RALGPS1: variants seen among roughly 807,000 people sequenced by gnomAD.
The protein encoded by RALGPS1 is ras-specific guanine nucleotide-releasing factor RalGPS1.
RALGPS1 carries 19 observed loss-of-function variants against 78.8 expected under a neutral mutation model. The observed-to-expected ratio is 0.24, with a 90% CI of 0.17 to 0.35. The LOEUF is 0.35. Ranked by LOEUF, RALGPS1 falls within the 10% of genes least tolerant of loss-of-function variation. RALGPS1 has a pLI of 1.00. For missense variants in RALGPS1, 454 were observed against 688.3 expected, an observed-to-expected ratio of 0.66 and a Z score of 3.81; for synonymous variants, 228 against 256.3, an observed-to-expected ratio of 0.89 and a Z score of 1.06.
intron 8 of RALGPS1, among the ~76,000 whole-genome samples, chr9:127,147,150 A>G (rs1316249303): frequency 6.6e-6 from 1 of 152,112 alleles, no homozygotes; most frequent in Non-Finnish European, 1.5e-5. Flanking sequence ...GCAGCTTTTC[A>G]TATTTGTTGG....
chr9:126,978,617 AAAAAAGTAGCTGAAT>A, intron 4 of RALGPS1, among the ~76,000 whole-genome samples: 1 of 151,978 alleles, frequency 6.6e-6, no homozygotes, highest in South Asian at 2.1e-4. Flanking sequence ...AAAAAAAAAA[AAAAAAGTAGCTGAAT>A]AGGCTGAAGA....
At chr9:127,160,036 C>T (rs2058932965) in intron 8 of RALGPS1, among the ~76,000 whole-genome samples, 1 of 151,946 alleles carries the variant, frequency 6.6e-6, no homozygotes. Context: ...AAAAAGATAG[C>T]TGTATGAGAA....
chr9:126,968,147 C>T (rs762542503), intron 3 of RALGPS1, among the ~76,000 whole-genome samples: 1 of 151,526 alleles, frequency 6.6e-6, no homozygotes, highest in African/African-American at 2.4e-5. Flanking sequence ...GGATTATAGG[C>T]GCATACCACC....
intron 7 of RALGPS1, among the ~76,000 whole-genome samples, chr9:127,062,121 G>A (rs1057417652): frequency 1.3e-5 from 2 of 151,704 alleles, no homozygotes; most frequent in Admixed American, 6.6e-5. Context: ...GTTTTGAGAC[G>A]GAGTCTCGCT....
At chr9:127,068,871 AG>A (rs2049939592) in intron 7 of RALGPS1, among the ~76,000 whole-genome samples, 1 of 152,198 alleles carries the variant, frequency 6.6e-6, no homozygotes, top group African/African-American at 2.4e-5. Flanking sequence ...TTCTAGAAAA[AG>A]GGTGGTAACT....
At chr9:126,996,543 G>A (rs967582729) in intron 4 of RALGPS1, among the ~76,000 whole-genome samples, 55 of 152,232 alleles carry the variant, frequency 3.6e-4, no homozygotes, top group Middle Eastern at 3.4e-3. Context: ...ATAATCAATA[G>A]CTTACCAACC....
At chr9:126,960,716 A>T (rs375798116) in intron 1 of RALGPS1, among the ~76,000 whole-genome samples, 5 of 152,256 alleles carry the variant, frequency 3.3e-5, no homozygotes, top group East Asian at 1.9e-4. Flanking sequence ...TTTGGGCTAG[A>T]TCTTGCTCTC....
intron 8 of RALGPS1, chr9:127,069,636 T>G: frequency 3.2e-6 from 1 of 312,074 alleles, no homozygotes; most frequent in Non-Finnish European, 6.0e-6. Flanking sequence ...ATGAGAGTGA[T>G]AAGACTCGTA....
In RALGPS1 at chr9:127,134,009, C is replaced by CA. The variant is rs200935825; in HGVS notation, c.611-32060_611-32059insA. Among the ~76,000 whole-genome samples, 4 of 151,674 alleles carry CA rather than the reference C, an allele frequency of 2.6e-5. 1 individual carries two copies. The highest frequency in any genetic ancestry group is 5.9e-5 in the Non-Finnish European group (4 of 67,892). ...TAGTAAATGCTCTTGTCCTCGCTCC[C>CA]CCCCCCGTGAATGCTGTGATTCAGC... On this transcript the variant is annotated intron_variant, in intron 8 of 18. Transcript: ENST00000259351.
chr9:127,009,440 C>T (rs10987540), intron 4 of RALGPS1, among the ~76,000 whole-genome samples: 26,497 of 152,212 alleles, frequency 0.17, 3,040 homozygotes, highest in East Asian at 0.44. Flanking sequence ...GCACCCTCCA[C>T]CTAACAGGGC....
At chr9:127,213,723 C>T (rs973680701) in intron 17 of RALGPS1, 2 of 152,502 alleles carry the variant, frequency 1.3e-5, no homozygotes, top group Non-Finnish European at 2.9e-5. Context: ...AAAATCCCCA[C>T]GCATTTTCAC....
intron 8 of RALGPS1, among the ~76,000 whole-genome samples, chr9:127,117,930 CTG>C (rs1457287282): frequency 6.6e-6 from 1 of 152,208 alleles, no homozygotes; most frequent in Non-Finnish European, 1.5e-5. Context: ...TACTGCCTGT[CTG>C]GACAACTAGG....
chr9:126,927,626 T>C (rs1422545103), intron 1 of RALGPS1, among the ~76,000 whole-genome samples: 1 of 152,228 alleles, frequency 6.6e-6, no homozygotes, highest in Non-Finnish European at 1.5e-5. Flanking sequence ...GGCTGTTTGC[T>C]GCAGACAGTC....
rs1012595898 is a variant in RALGPS1 at position 127,201,959 on chromosome 9, G to C, written c.1247+2893G>C. 3.3e-5 allele frequency among the ~76,000 whole-genome samples: 5 copies of C among 152,344 alleles called. No individual in the cohort carries two copies. In the Middle Eastern group the frequency reaches 0.01, roughly 311 times the overall value. On this transcript the variant is annotated intron_variant, in intron 14 of 18. Coordinates refer to ENST00000259351, the MANE Select transcript of RALGPS1 (RefSeq NM_014636.3). ...GAGCCAGAGCCAAGGGTGCAGGGGA[G>C]GCCTGGGCCACGCAGAGAAGTGAGG...
At chr9:127,061,652 C>T (rs2135639737) in intron 7 of RALGPS1, among the ~76,000 whole-genome samples, 1 of 152,310 alleles carries the variant, frequency 6.6e-6, no homozygotes, top group Non-Finnish European at 1.5e-5. Context: ...TCCTCTCCAG[C>T]CCCATCTGTG....
chr9:126,934,908 G>A (rs1005843735), intron 1 of RALGPS1, among the ~76,000 whole-genome samples: 1 of 152,094 alleles, frequency 6.6e-6, no homozygotes, highest in African/African-American at 2.4e-5. Context: ...ATCAGAAAGG[G>A]CCAGCTCATT....
chr9:127,194,990 A>C, intron 11 of RALGPS1, 101 bp from the exon 12 acceptor site: 1 of 1,429,774 alleles, frequency 7.0e-7, no homozygotes, highest in Non-Finnish European at 9.7e-7. Context: ...CAGTTGCTGT[A>C]CTTCAAACCC....
chr9:126,949,531 T>A, intron 1 of RALGPS1, among the ~76,000 whole-genome samples: 1 of 152,256 alleles, frequency 6.6e-6, no homozygotes, highest in Non-Finnish European at 1.5e-5. Context: ...GGTATCTCAT[T>A]GTGGTTTTGA....
At chr9:127,003,986 C>G (rs949224946) in intron 4 of RALGPS1, among the ~76,000 whole-genome samples, 14 of 152,192 alleles carry the variant, frequency 9.2e-5, no homozygotes, top group Non-Finnish European at 1.9e-4. Context: ...GGCCTCAAAT[C>G]CTGGCTTCTT....
Sources: gnomAD v4.1 joint callset for allele counts (sites outside exome capture counted in the v4.1 genomes callset) on GRCh38, gnomAD v4.1.1 for gene constraint, MANE v1.5 for transcripts, NCBI Gene and HGNC (gene_info 2026-07-23, HGNC 2026-07-21) for gene names.